ADCY6: variants seen among roughly 807,000 people sequenced by gnomAD.
The protein encoded by ADCY6 is adenylate cyclase type 6.
ADCY6 carries 59 observed loss-of-function variants against 111.6 expected under a neutral mutation model. That is an observed-to-expected ratio of 0.53 (90% CI 0.43 to 0.66). The LOEUF (loss-of-function observed/expected upper bound fraction) is 0.66. Ranked by LOEUF, ADCY6 falls within the 30% of genes least tolerant of loss-of-function variation. The pLI is 0.00. For synonymous variants in ADCY6, 576 were observed against 642.9 expected (o/e 0.90, Z 1.57); for missense variants, 1,242 against 1,595.6 (o/e 0.78, Z 3.78).
chr12:48,769,413 CAAAAA>C (rs111727567), intron 20 of ADCY6, among the ~76,000 whole-genome samples: 7 of 38,848 alleles, frequency 1.8e-4, no homozygotes, highest in East Asian at 7.9e-4. Flanking sequence ...ATCCCCATCT[CAAAAA>C]AAAAAAAAAA....
chr12:48,773,795 C>T (rs1425745679), intron 15 of ADCY6, 145 bp downstream of exon 15: 2 of 1,440,610 alleles, frequency 1.4e-6, no homozygotes, highest in Non-Finnish European at 1.9e-6. Context: ...CCAGCCCCTA[C>T]AACACACCAG....
At position 48,782,408 on chromosome 12, in the gene ADCY6, C is replaced by T. The variant is rs548113228; in HGVS notation, c.864+163G>A. ...CCACATGGAGGCAGACCCCTCAACC[C>T]TAGCCTCCCACCTCCTGCTCCTCCT... On this transcript the variant is annotated intron_variant, in intron 2 of 21. Coordinates refer to ENST00000357869, the MANE Select transcript of ADCY6 (RefSeq NM_015270.5). This position sits in a 1 kb window ranked among gnomAD's most constrained non-coding sequence, Gnocchi z 4.3. 2.6e-4 allele frequency among the ~76,000 whole-genome samples: 39 copies of T among 152,242 alleles called. No homozygotes were observed. The South Asian group carries it at 5.8e-3, about 23-fold the overall frequency.
chr12:48,774,057 C>T lies in ADCY6; in HGVS notation c.2325G>A (p.Arg775=). The T allele has an allele frequency of 6.2e-7, 1 of 1,612,072 alleles. No homozygotes were observed. Among genetic ancestry groups the T allele is most frequent in the Non-Finnish European group, 8.5e-7 (1 of 1,179,066 alleles). Residue 775 remains arginine (R), a synonymous_variant, in exon 15 of 22, where the codon CGG becomes CGA. Coordinates refer to ENST00000357869, the MANE Select transcript of ADCY6 (RefSeq NM_015270.5). ...TGTCAGCAGGTGTTAAATTCAGCAT[C>T]CGGGCTGCACAGCTCCGTATGGGGG... The part of the protein sequence containing the change: ...NHTPIRSCAA[R]MLNLTPADIT...
Position 48,778,000 on chromosome 12 carries a change from G to T in ADCY6, c.1014+108C>A. The T allele has an allele frequency of 6.9e-7, 1 of 1,446,018 alleles. No individual in the cohort carries two copies. The allele number at this position is 1,446,018 out of a possible 1,614,324, so 89.6% of individuals were successfully genotyped here. A position where few individuals can be genotyped will look rare whatever the true frequency, so the allele number is the denominator to read the frequency against. ...GGGCCTCTGTGACGCACAACCCAGG[G>T]GAACCATCACACTGTGCTGCACGGA... On this transcript the variant is annotated intron_variant, in intron 3 of 21. Transcript: ENST00000357869. The surrounding 1 kb of genome is among the most constrained non-coding windows in gnomAD (Gnocchi z 4.9).
At chr12:48,785,020 T>TC (rs1367312962) in intron 1 of ADCY6, among the ~76,000 whole-genome samples, 2 of 152,172 alleles carry the variant, frequency 1.3e-5, no homozygotes, top group African/African-American at 4.8e-5. Flanking sequence ...GCCTGGGACC[T>TC]CAGTGCCTGC....
In ADCY6 at chr12:48,769,060, C is replaced by T. The variant is rs1169847667; in HGVS notation, c.3258G>A (p.Gly1086=). Residue 1086 remains glycine, a splice_region_variant and synonymous_variant, in exon 21 of 22, where the codon GGG becomes GGA. Transcript: ENST00000357869. ...CTGCCACGACTGGGCCCATGTTCAG[C>T]CCTGAGGTGGAGAGAACAGCAAGAG... The part of the protein sequence containing the change: ...HSFNNFQMKI[G]LNMGPVVAGV... 6.2e-7 allele frequency: 1 copy of T among 1,610,246 alleles called. No individual in the cohort carries two copies. The highest frequency in any genetic ancestry group is 1.1e-5 in the South Asian group (1 of 90,108).
chr12:48,771,570 C>G lies in ADCY6; in HGVS notation c.3051+140G>C, dbSNP rs746423786. On this transcript the variant is annotated intron_variant, in intron 19 of 21. Coordinates refer to ENST00000357869, the MANE Select transcript of ADCY6 (RefSeq NM_015270.5). This position sits in a 1 kb window ranked among gnomAD's most constrained non-coding sequence, Gnocchi z 4.3. ...CCTTCATGGGTTCTTGCCTCTGCCT[C>G]CACTGTGCATACCCTTACCCCTGAT... 206 of 1,388,420 alleles carry G rather than the reference C, an allele frequency of 1.5e-4. No homozygotes were observed. The highest frequency in any genetic ancestry group is 2.0e-4 in the Non-Finnish European group (194 of 992,746). The allele number at this position is 1,388,420 out of a possible 1,614,324, so 86.0% of individuals were successfully genotyped here. A position where few individuals can be genotyped will look rare whatever the true frequency, so the allele number is the denominator to read the frequency against.
intron 20 of ADCY6, 96 bp downstream of exon 20, chr12:48,770,670 C>T: frequency 1.5e-6 from 2 of 1,296,514 alleles, no homozygotes; most frequent in Non-Finnish European, 2.2e-6. Flanking sequence ...CACAGGAGCC[C>T]TGATGGGAAA....
chr12:48,786,834 T>C lies in ADCY6; in HGVS notation c.-5+2072A>G, dbSNP rs189145128. On this transcript the variant is annotated intron_variant, in intron 1 of 21. Transcript: ENST00000357869. ...GAGACCAGGGTTCCAAACCTTAGCG[T>C]GATTATTTGCTAGCCACACTGCCTT... is the stretch of plus-strand genomic sequence containing the variant. Among the ~76,000 whole-genome samples, 39 of 152,334 alleles carry C rather than the reference T, an allele frequency of 2.6e-4. No individual in the cohort carries two copies. The East Asian group carries it at 6.9e-3, about 27-fold the overall frequency.
Position 48,771,839 on chromosome 12 carries a change from C to T in ADCY6, c.2922G>A (p.Ser974=), listed in dbSNP as rs778485526. The part of the protein sequence containing the change: ...ERRNDELYYQ[S]CECVAVMFAS... Reference sequence around the variant, plus strand: ...CAAACATAACAGCCACACACTCACACGACTGATAGTAGAGTTCATCATTGC... The same window carrying T: ...CAAACATAACAGCCACACACTCACATGACTGATAGTAGAGTTCATCATTGC... The change falls in exon 19 of 22, where the codon TCG becomes TCA. Residue 974 remains serine (S), a synonymous_variant. Coordinates refer to ENST00000357869, the MANE Select transcript of ADCY6 (RefSeq NM_015270.5). This position sits in a 1 kb window ranked among gnomAD's most constrained non-coding sequence, Gnocchi z 4.3. The T allele has an allele frequency of 1.1e-5, 18 of 1,614,202 alleles. No individual in the cohort carries two copies. The highest frequency in any genetic ancestry group is 6.7e-5 in the East Asian group (3 of 44,888).
Position 48,776,000 on chromosome 12 carries a change from A to G in ADCY6, c.1769T>C (p.Phe590Ser). Reference protein sequence around the residue: ...LMPRWVPDRAFSRTKDSKAFR... With the variant: ...LMPRWVPDRASSRTKDSKAFR... ...GGCCTTGGAGTCCTTGGTCCGGGAG[A>G]AGGCACGATCAGGAACCCAGCGCGG... Residue 590 changes from phenylalanine to serine, a missense_variant, in exon 9 of 22, where the codon TTC becomes TCC. By Grantham distance (155) the Phe-to-Ser change is radical. Coordinates refer to ENST00000357869, the MANE Select transcript of ADCY6 (RefSeq NM_015270.5). The G allele has an allele frequency of 1.2e-6, 2 of 1,611,374 alleles. No individual in the cohort carries two copies. Among genetic ancestry groups the G allele is most frequent in the Non-Finnish European group, 1.7e-6 (2 of 1,178,766 alleles).
rs143059227 is a variant in ADCY6, at chr12:48,776,885, C to T, written c.1376+219G>A. On this transcript the variant is annotated intron_variant, in intron 6 of 21. Transcript: ENST00000357869. This position sits in a 1 kb window ranked among gnomAD's most constrained non-coding sequence, Gnocchi z 6.1. ...CATTCCCTCTAGCCCAACTCCCCTA[C>T]TGCATAGGCTCTCCCGGCCCCATCT... Among the ~76,000 whole-genome samples, 14 of 152,340 alleles carry T rather than the reference C, an allele frequency of 9.2e-5. No individual in the cohort carries two copies. The highest frequency in any genetic ancestry group is 2.0e-4 in the Admixed American group (3 of 15,310).
intron 15 of ADCY6, 31 bp downstream of exon 15, chr12:48,773,909 C>T: frequency 6.2e-7 from 1 of 1,607,394 alleles, no homozygotes; most frequent in Non-Finnish European, 8.5e-7. Context: ...GCCAGGACAG[C>T]CCCCCCACCG....
rs762280095 is a variant in ADCY6 at position 48,776,106 on chromosome 12, T to G, written c.1678-15A>C. 1 of 1,613,908 alleles carries G rather than the reference T, an allele frequency of 6.2e-7. No individual in the cohort carries two copies. Among genetic ancestry groups the G allele is most frequent in the South Asian group, 1.1e-5 (1 of 91,048 alleles). ...TTCTCCTCTTTCTGTGCGGGCAGCA[T>G]GGGTACAGGCTCAGAAGAGGGGCCC... On this transcript the variant is annotated splice_polypyrimidine_tract_variant and intron_variant, in intron 8 of 21. Coordinates refer to ENST00000357869, the MANE Select transcript of ADCY6 (RefSeq NM_015270.5). This position sits in a 1 kb window ranked among gnomAD's most constrained non-coding sequence, Gnocchi z 6.1.
chr12:48,784,624 G>A lies in ADCY6; in HGVS notation c.-4-1186C>T, dbSNP rs571408300. Among the ~76,000 whole-genome samples the A allele has an allele frequency of 1.1e-4, 15 of 142,550 alleles. 1 individual carries two copies. The highest frequency in any genetic ancestry group is 6.1e-4 in the East Asian group (3 of 4,950). 93.5% of individuals were successfully genotyped at this position (142,550 alleles called of 152,430 possible). A position where few individuals can be genotyped will look rare whatever the true frequency, so the allele number is the denominator to read the frequency against. ...TTGCCACTGGGTCCCAGTGGGTCCC[G>A]ATCTGATTTTTCTCAACAGAAGCAG... On this transcript the variant is annotated intron_variant, in intron 1 of 21. Transcript: ENST00000357869.
rs1403191289 is a variant in ADCY6, at chr12:48,766,838, G to C, written c.*1753C>G. 1.3e-5 allele frequency: 2 copies of C among 152,310 alleles called. No homozygotes were observed. Among genetic ancestry groups the C allele is most frequent in the African/African-American group, 4.8e-5 (2 of 41,450 alleles). The allele number at this position is 152,310 out of a possible 1,614,324, so 9.4% of individuals were successfully genotyped here. A position where few individuals can be genotyped will look rare whatever the true frequency, so the allele number is the denominator to read the frequency against. ...CAAAGTGATCTTCAAGCAAAATTCA[G>C]GCTAGTGCCTTTGGCTTAAATAGGT... On this transcript the variant is annotated 3_prime_UTR_variant, in exon 22 of 22. Coordinates refer to ENST00000357869, the MANE Select transcript of ADCY6 (RefSeq NM_015270.5).
At position 48,783,134 on chromosome 12, in the gene ADCY6, C is replaced by T; in HGVS notation, c.301G>A (p.Gly101Ser). The change falls in exon 2 of 22, where the codon GGC becomes AGC. Residue 101 changes from glycine (G) to serine (S), a missense_variant. Around this residue, in one of 4 missense-constraint regions of ADCY6, gnomAD observed 362 missense variants for 377.2 expected, o/e 0.96. Coordinates refer to ENST00000357869, the MANE Select transcript of ADCY6 (RefSeq NM_015270.5). ...FEDTEVTTTA[G>S]GTAEVAPDAV... ...TCGGGCGCCACCTCAGCCGTCCCGC[C>T]CGCTGTCGTTGTCACCTCGGTATCC... The T allele has an allele frequency of 6.2e-7, 1 of 1,608,554 alleles. No homozygotes were observed. The highest frequency in any genetic ancestry group is 8.5e-7 in the Non-Finnish European group (1 of 1,179,316).
intron 14 of ADCY6, 26 bp from the exon 15 acceptor site, chr12:48,774,124 G>C (rs1272888140): frequency 6.3e-7 from 1 of 1,591,382 alleles, no homozygotes; most frequent in East Asian, 2.3e-5. Flanking sequence ...GGTATATCAG[G>C]GTAACCAAGG....
Position 48,768,546 on chromosome 12 carries a change from A to T in ADCY6, c.*45T>A. ...CACCCAGTGAGCACAGAGTCCACTC[A>T]ATGCCCACCTTGGTCCCTTCAGCTG... is the stretch of plus-strand genomic sequence containing the variant. On this transcript the variant is annotated 3_prime_UTR_variant, in exon 22 of 22. Transcript: ENST00000357869. The T allele has an allele frequency of 6.2e-7, 1 of 1,613,954 alleles. No individual in the cohort carries two copies. The highest frequency in any genetic ancestry group is 1.6e-4 in the Middle Eastern group (1 of 6,062).
Sources: allele counts gnomAD v4.1 joint callset (sites outside exome capture counted in the v4.1 genomes callset), GRCh38; gene constraint gnomAD v4.1.1; regional missense constraint gnomAD v4.1.1; non-coding constraint Gnocchi (gnomAD v3.1); transcripts MANE v1.5; gene names NCBI Gene and HGNC (gene_info 2026-07-23, HGNC 2026-07-21).